ERC2: variants seen among roughly 807,000 people sequenced by gnomAD.
ERC2 encodes the protein ERC protein 2.
ERC2 carries 42 observed loss-of-function variants against 114.8 expected under a neutral mutation model. The ratio of observed to expected loss-of-function variants is 0.37; its 90% confidence interval spans 0.29 to 0.47. The LOEUF is 0.47. Among genes scored for constraint, ERC2 ranks in the 20% least tolerant of loss-of-function variants. The pLI is 0.99. For missense variants in ERC2, 939 were observed against 1,150.7 expected, an observed-to-expected ratio of 0.82 and a Z score of 2.66; for synonymous variants, 454 against 425.5, an observed-to-expected ratio of 1.07 and a Z score of -0.82.
chr3:55,774,429 G>A (rs1006547607), intron 14 of ERC2, among the ~76,000 whole-genome samples: 5 of 152,352 alleles, frequency 3.3e-5, no homozygotes, highest in African/African-American at 1.2e-4. Context: ...CCCCGACTTC[G>A]TGGTCTCCCA....
chr3:56,465,717 TTA>T (rs1458053504), intron 1 of ERC2, among the ~76,000 whole-genome samples: 2 of 152,226 alleles, frequency 1.3e-5, no homozygotes, highest in African/African-American at 4.8e-5. Context: ...TTTTATTTTA[TTA>T]TGTGTTATAT....
chr3:56,300,280 CAAAAAA>C (rs200816892), intron 2 of ERC2, among the ~76,000 whole-genome samples: 4 of 93,212 alleles, frequency 4.3e-5, no homozygotes, highest in East Asian at 5.7e-4. Flanking sequence ...TCATGAAATA[CAAAAAA>C]AAAAAAAAAG....
intron 2 of ERC2, among the ~76,000 whole-genome samples, chr3:56,324,952 T>A (rs1374340345): frequency 6.6e-6 from 1 of 151,764 alleles, no homozygotes; most frequent in Non-Finnish European, 1.5e-5. Context: ...AGTTTTCAGT[T>A]CTTTGTTCAA....
chr3:56,026,057 CTTT>C (rs59635680), intron 7 of ERC2, among the ~76,000 whole-genome samples: 1,826 of 69,078 alleles, frequency 0.026, 14 homozygotes, highest in East Asian at 0.059. Context: ...CCGTTTCTTT[CTTT>C]TTTTTTTTTT....
intron 6 of ERC2, among the ~76,000 whole-genome samples, chr3:56,132,594 G>A (rs988867578): frequency 2.0e-5 from 3 of 152,132 alleles, no homozygotes; most frequent in South Asian, 2.1e-4. Context: ...CTGAGATCAC[G>A]CCACTGCACT....
chr3:56,377,952 T>C (rs1448306808), intron 2 of ERC2, among the ~76,000 whole-genome samples: 2 of 152,000 alleles, frequency 1.3e-5, no homozygotes, highest in African/African-American at 4.8e-5. Context: ...AAGTGGAAGA[T>C]TTTGCATGCA....
chr3:55,950,431 A>G lies in ERC2; in HGVS notation c.2397T>C (p.His799=). 1 of 1,613,968 alleles carries G rather than the reference A, an allele frequency of 6.2e-7. No homozygotes were observed. Among genetic ancestry groups the G allele is most frequent in the Non-Finnish European group, 8.5e-7 (1 of 1,179,872 alleles). ...AAGAGAAGCCTGTGCTTACCTGCAA[A>G]TGCTGTGAGTTGTCAGCCATGCTGT... is the stretch of plus-strand genomic sequence containing the variant. The part of the protein sequence containing the change: ...REDSMADNSQ[H]LQIEELMNAL... The change falls in exon 13 of 18, where the codon CAT becomes CAC. Residue 799 remains histidine (H), a synonymous_variant. Coordinates refer to ENST00000288221, the MANE Select transcript of ERC2 (RefSeq NM_015576.3).
At chr3:55,733,812 G>A (rs1331275698) in intron 15 of ERC2, among the ~76,000 whole-genome samples, 4 of 152,080 alleles carry the variant, frequency 2.6e-5, no homozygotes, top group Non-Finnish European at 5.9e-5. Flanking sequence ...GAGTCAATAT[G>A]GACACACTCC....
At chr3:55,957,751 C>G (rs1033808259) in intron 12 of ERC2, among the ~76,000 whole-genome samples, 1 of 152,102 alleles carries the variant, frequency 6.6e-6, no homozygotes, top group African/African-American at 2.4e-5. Context: ...CAGCTCCAGG[C>G]GCCTGCTCCG....
At chr3:56,438,351 T>G (rs1333383742) in intron 1 of ERC2, among the ~76,000 whole-genome samples, 1 of 152,176 alleles carries the variant, frequency 6.6e-6, no homozygotes, top group Non-Finnish European at 1.5e-5. Flanking sequence ...CACTCATGAT[T>G]ACATTTCTTC....
At chr3:55,696,497 A>G (rs17055755) in intron 16 of ERC2, among the ~76,000 whole-genome samples, 2,110 of 152,244 alleles carry the variant, frequency 0.014, 47 homozygotes, top group African/African-American at 0.048. Flanking sequence ...ACATCACCCC[A>G]TTATTAGGAC....
intron 14 of ERC2, among the ~76,000 whole-genome samples, chr3:55,739,213 T>TA (rs1220821067): frequency 1.3e-5 from 2 of 152,228 alleles, no homozygotes; most frequent in African/African-American, 4.8e-5. Context: ...AGTGCCGCAA[T>TA]AAACATACAT....
intron 15 of ERC2, among the ~76,000 whole-genome samples, chr3:55,708,353 G>C (rs150160332): frequency 6.6e-5 from 10 of 152,338 alleles, no homozygotes; most frequent in Non-Finnish European, 1.5e-4. Context: ...GGCAGAGTCT[G>C]GGGGAAGGGA....
intron 14 of ERC2, among the ~76,000 whole-genome samples, chr3:55,767,274 C>A (rs1450158564): frequency 6.6e-6 from 1 of 152,108 alleles, no homozygotes; most frequent in African/African-American, 2.4e-5. Flanking sequence ...TAGGTTTTTG[C>A]CAAGGGTGCC....
chr3:56,239,311 G>T (rs1353608910), intron 3 of ERC2, among the ~76,000 whole-genome samples: 1 of 152,050 alleles, frequency 6.6e-6, no homozygotes, highest in East Asian at 1.9e-4. Context: ...GAGCTCAGGA[G>T]TTTGCGACCA....
intron 3 of ERC2, among the ~76,000 whole-genome samples, chr3:56,270,806 C>A (rs1279256071): frequency 6.6e-6 from 1 of 152,006 alleles, no homozygotes; most frequent in African/African-American, 2.4e-5. Flanking sequence ...AGTGAAACCC[C>A]GTCTCTACTA....
intron 17 of ERC2, among the ~76,000 whole-genome samples, chr3:55,541,874 G>A (rs1376291651): frequency 6.6e-6 from 1 of 152,246 alleles, no homozygotes; most frequent in Admixed American, 6.5e-5. Context: ...AATGTTTTTT[G>A]AACCAATTCA....
intron 6 of ERC2, among the ~76,000 whole-genome samples, chr3:56,136,479 T>C (rs1240985132): frequency 6.6e-6 from 1 of 152,158 alleles, no homozygotes; most frequent in Non-Finnish European, 1.5e-5. Context: ...GTTTGTTGTA[T>C]AGGTAAATTG....
intron 5 of ERC2, among the ~76,000 whole-genome samples, chr3:56,143,423 A>C (rs1461090156): frequency 1.3e-5 from 2 of 152,148 alleles, no homozygotes; most frequent in Non-Finnish European, 2.9e-5. Flanking sequence ...GCAGGAGGTA[A>C]TTGAATCATG....
Sources: allele counts gnomAD v4.1 joint callset (sites outside exome capture counted in the v4.1 genomes callset), GRCh38; gene constraint gnomAD v4.1.1; transcripts MANE v1.5; gene names NCBI Gene and HGNC (gene_info 2026-07-23, HGNC 2026-07-21).